Variants in TBC1D22A observed in about 807,000 individuals in gnomAD.
TBC1D22A encodes the protein putative GTPase activator.
Under a neutral mutation model 60.2 loss-of-function variants are expected in TBC1D22A, and 38 were observed. The observed-to-expected ratio is 0.63, with a 90% confidence interval of 0.49 to 0.83. The LOEUF (loss-of-function observed/expected upper bound fraction) is 0.83, where lower values mean the gene tolerates loss of function less well. TBC1D22A is among the 40% of genes least tolerant of loss of function. The pLI is 0.00. For missense variants in TBC1D22A, 628 were observed against 701.0 expected, an observed-to-expected ratio of 0.90 and a Z score of 1.18; for synonymous variants, 302 against 281.7, an observed-to-expected ratio of 1.07 and a Z score of -0.72.
intron 8 of TBC1D22A, among the ~76,000 whole-genome samples, chr22:46,928,151 G>A (rs2071157463): frequency 6.6e-6 from 1 of 151,734 alleles, no homozygotes; most frequent in South Asian, 2.1e-4. Flanking sequence ...ACAAAGATTA[G>A]GACTCACGCA....
chr22:46,815,610 T>C (rs1338280227), intron 4 of TBC1D22A, among the ~76,000 whole-genome samples: 2 of 152,240 alleles, frequency 1.3e-5, no homozygotes, highest in East Asian at 3.8e-4. Flanking sequence ...AATTCAGTCA[T>C]TTGCTCATTG....
chr22:46,816,574 G>A (rs2085610569), intron 4 of TBC1D22A, among the ~76,000 whole-genome samples: 1 of 152,248 alleles, frequency 6.6e-6, no homozygotes, highest in Non-Finnish European at 1.5e-5. Flanking sequence ...GGCACATTGT[G>A]TGTGAGGCTC....
At chr22:47,121,817 G>A (rs1333124154) in intron 12 of TBC1D22A, among the ~76,000 whole-genome samples, 3 of 152,118 alleles carry the variant, frequency 2.0e-5, no homozygotes, top group Non-Finnish European at 4.4e-5. Context: ...GGATTCGGCT[G>A]CTTTGTGAGG....
At position 47,156,613 on chromosome 22, in the gene TBC1D22A, G is replaced by A. The variant is rs75302450; in HGVS notation, c.1426-16885G>A. Among the ~76,000 whole-genome samples the A allele has an allele frequency of 1.9e-3, 285 of 152,260 alleles. 1 individual carries two copies. Among genetic ancestry groups the A allele is most frequent in the Non-Finnish European group, 1.2e-3 (80 of 67,986 alleles). ...GGGACCTGGGGCAGGCTGGGGAGGT[G>A]AGGGTGGGCCTGAGGCTGTCAGAAC... On this transcript the variant is annotated intron_variant, in intron 12 of 12. Transcript: ENST00000337137.
chr22:46,896,235 G>A (rs956216780), intron 7 of TBC1D22A, among the ~76,000 whole-genome samples: 1 of 151,832 alleles, frequency 6.6e-6, no homozygotes, highest in African/African-American at 2.4e-5. Context: ...TTTATTAGTT[G>A]TTGATCTTTA....
At chr22:47,000,874 G>A (rs1173625508) in intron 10 of TBC1D22A, among the ~76,000 whole-genome samples, 1 of 151,610 alleles carries the variant, frequency 6.6e-6, no homozygotes, top group Non-Finnish European at 1.5e-5. Context: ...TGTCTTAAAA[G>A]CATTGAATTG....
intron 12 of TBC1D22A, among the ~76,000 whole-genome samples, chr22:47,171,468 A>G (rs565169568): frequency 6.6e-6 from 1 of 152,272 alleles, no homozygotes; most frequent in East Asian, 1.9e-4. Flanking sequence ...CAGAGCCCAC[A>G]GGGCCATCTG....
chr22:46,927,623 C>T (rs1304762650), intron 8 of TBC1D22A, among the ~76,000 whole-genome samples: 3 of 152,122 alleles, frequency 2.0e-5, no homozygotes, highest in Middle Eastern at 3.4e-3. Flanking sequence ...CAAAAGTCAT[C>T]CAGAATGGAA....
intron 8 of TBC1D22A, among the ~76,000 whole-genome samples, chr22:46,947,688 C>A (rs1024735603): frequency 2.6e-5 from 4 of 152,122 alleles, no homozygotes; most frequent in Non-Finnish European, 2.9e-5. Flanking sequence ...TCTCTCCCTC[C>A]TGTCTCCCTC....
At chr22:46,806,522 TTTAAA>T (rs1445525516) in intron 4 of TBC1D22A, among the ~76,000 whole-genome samples, 1 of 149,368 alleles carries the variant, frequency 6.7e-6, no homozygotes, top group Admixed American at 6.6e-5. Context: ...AATTTTTAAA[TTTAAA>T]TTAAATTTTA....
chr22:47,159,198 C>T (rs1029510242), intron 12 of TBC1D22A, among the ~76,000 whole-genome samples: 1 of 151,150 alleles, frequency 6.6e-6, no homozygotes, highest in Non-Finnish European at 1.5e-5. Context: ...ACACCACGCA[C>T]ACACACCATA....
chr22:46,802,274 G>C (rs1601924651), intron 4 of TBC1D22A, among the ~76,000 whole-genome samples: 1 of 152,230 alleles, frequency 6.6e-6, no homozygotes, highest in African/African-American at 2.4e-5. Context: ...CGTGTGAGGA[G>C]ACAGAGGGAG....
chr22:47,167,563 A>G (rs2036766807), intron 12 of TBC1D22A, among the ~76,000 whole-genome samples: 1 of 152,210 alleles, frequency 6.6e-6, no homozygotes, highest in African/African-American at 2.4e-5. Context: ...TCCCACAGCC[A>G]AGAGGAATAA....
At chr22:46,958,887 TTGTC>T (rs2073348485) in intron 8 of TBC1D22A, among the ~76,000 whole-genome samples, 1 of 152,230 alleles carries the variant, frequency 6.6e-6, no homozygotes, top group Non-Finnish European at 1.5e-5. Flanking sequence ...AGCCTTCTCA[TTGTC>T]TGAGTACCTT....
chr22:46,888,067 C>G (rs1602322698), intron 5 of TBC1D22A, among the ~76,000 whole-genome samples: 2 of 152,318 alleles, frequency 1.3e-5, no homozygotes, highest in East Asian at 3.9e-4. Context: ...GTGATTCTCC[C>G]CTCCCATCAG....
chr22:47,122,557 G>A (rs530900556), intron 12 of TBC1D22A, among the ~76,000 whole-genome samples: 7 of 152,186 alleles, frequency 4.6e-5, no homozygotes, highest in Non-Finnish European at 1.0e-4. Flanking sequence ...ATGGCCACCT[G>A]ATGAGTCTGG....
At position 47,101,493 on chromosome 22, in the gene TBC1D22A, C is replaced by T. The variant is rs375540793; in HGVS notation, c.1330-10015C>T. Among the ~76,000 whole-genome samples the T allele has an allele frequency of 2.2e-3, 332 of 152,340 alleles. 4 individuals carry two copies. Among genetic ancestry groups the T allele is most frequent in the South Asian group, 0.013 (61 of 4,828 alleles). On this transcript the variant is annotated intron_variant, in intron 11 of 12. Transcript: ENST00000337137. ...GACCTGTGGGAGTTTCCCAATGCAG[C>T]GACCAGCTGCCTCAGCCATGCCTGT...
chr22:47,035,475 CAATT>C (rs1187816574), intron 10 of TBC1D22A, among the ~76,000 whole-genome samples: 1 of 152,160 alleles, frequency 6.6e-6, no homozygotes, highest in East Asian at 1.9e-4. Flanking sequence ...GCAGTTTCCA[CAATT>C]AATTATTCAC....
At chr22:46,813,050 A>T (rs2085451682) in intron 4 of TBC1D22A, among the ~76,000 whole-genome samples, 1 of 152,170 alleles carries the variant, frequency 6.6e-6, no homozygotes, top group Non-Finnish European at 1.5e-5. Context: ...GCGGCTCCGC[A>T]GGTCTTTCTG....
Sources: allele counts gnomAD v4.1 joint callset (sites outside exome capture counted in the v4.1 genomes callset), GRCh38; gene constraint gnomAD v4.1.1; transcripts MANE v1.5; gene names NCBI Gene and HGNC (gene_info 2026-07-23, HGNC 2026-07-21).